The following KIF5A variants were observed in gnomAD, a reference collection of about 807,000 sequenced individuals.
KIF5A encodes the protein kinesin heavy chain isoform 5A.
Under a neutral mutation model 141.3 loss-of-function variants are expected in KIF5A, and 35 were observed. That is an observed-to-expected ratio of 0.25 (90% CI 0.19 to 0.33). The LOEUF (loss-of-function observed/expected upper bound fraction) is 0.33. Among genes scored for constraint, KIF5A ranks in the 10% least tolerant of loss-of-function variants. The pLI is 1.00. For synonymous variants in KIF5A, 448 were observed against 500.2 expected, an observed-to-expected ratio of 0.90 and a Z score of 1.39; for missense variants, 861 against 1,314.3, an observed-to-expected ratio of 0.66 and a Z score of 5.33.
rs186861089 is a variant in KIF5A at position 57,581,708 on chromosome 12, A to G, written c.2909+140A>G. On this transcript the variant is annotated intron_variant, in intron 25 of 28. Transcript: ENST00000455537. ...AACTTCATGCCTATGATTAGAAGGTAGGTGTCTGCCCTCCCAGCCTGTGGC... is the reference window on the plus strand; with the variant it reads ...AACTTCATGCCTATGATTAGAAGGTGGGTGTCTGCCCTCCCAGCCTGTGGC... 3,627 of 1,230,620 alleles carry G rather than the reference A, an allele frequency of 2.9e-3. 14 individuals are homozygous for G. The highest frequency in any genetic ancestry group is 4.3e-3 in the South Asian group (353 of 81,848). The allele number at this position is 1,230,620 out of a possible 1,614,324, so 76.2% of individuals were successfully genotyped here.
intron 6 of KIF5A, among the ~76,000 whole-genome samples, chr12:57,565,621 ATT>A (rs398019767): frequency 8.6e-5 from 11 of 128,362 alleles, no homozygotes; most frequent in African/African-American, 8.7e-5. Flanking sequence ...ATTTAATCTA[ATT>A]TTTTTTTTTT....
chr12:57,571,236 A>T (rs998317458), intron 12 of KIF5A, 85 bp from the exon 13 acceptor site: 1 of 827,386 alleles, frequency 1.2e-6, no homozygotes, highest in African/African-American at 1.7e-5. Context: ...TTTTATCAGG[A>T]TCCTGCCTCT....
chr12:57,570,598 C>T (rs1882221574), intron 12 of KIF5A, among the ~76,000 whole-genome samples: 2 of 152,074 alleles, frequency 1.3e-5, no homozygotes, highest in Admixed American at 1.3e-4. Context: ...GGGGTTTCAC[C>T]ATGTTGGCTA....
intron 26 of KIF5A, among the ~76,000 whole-genome samples, 190 bp downstream of exon 26, chr12:57,582,142 G>T (rs370773588): frequency 2.6e-4 from 40 of 152,166 alleles, no homozygotes; most frequent in African/African-American, 9.4e-4. Context: ...TACTTGGGAG[G>T]TTGAGATAGG....
chr12:57,580,263 C>A (rs1422556197), intron 23 of KIF5A, among the ~76,000 whole-genome samples: 1 of 152,290 alleles, frequency 6.6e-6, no homozygotes, highest in Non-Finnish European at 1.5e-5. Flanking sequence ...TCTTTTCGGG[C>A]TGCAGGGTGG....
At chr12:57,567,981 C>G (rs931518252) in intron 8 of KIF5A, among the ~76,000 whole-genome samples, 31 of 151,262 alleles carry the variant, frequency 2.0e-4, no homozygotes, top group Non-Finnish European at 4.3e-4. Flanking sequence ...CTCCCAGGTT[C>G]AAGTGATTTT....
intron 27 of KIF5A, 102 bp downstream of exon 27, chr12:57,582,731 A>G: frequency 1.1e-6 from 1 of 945,676 alleles, no homozygotes; most frequent in Non-Finnish European, 1.7e-6. Context: ...CCTTTGGGGA[A>G]GGGGGAGGGA....
At chr12:57,574,908 G>A (rs1347369930) in intron 15 of KIF5A, among the ~76,000 whole-genome samples, 176 bp from the exon 16 acceptor site, 3 of 152,088 alleles carry the variant, frequency 2.0e-5, no homozygotes, top group Non-Finnish European at 2.9e-5. Context: ...AAATGCAGGC[G>A]GAGGAATTTA....
Position 57,583,257 on chromosome 12 carries a change from C to A in KIF5A, c.*36+42C>A, listed in dbSNP as rs775250. ...TCCTCGGACCAGCCTCAGGTTGCTT[C>A]CCTTCTTGCTGACAGCCTCTTTGGT... On this transcript the variant is annotated intron_variant, in intron 28 of 28. Coordinates refer to ENST00000455537, the MANE Select transcript of KIF5A (RefSeq NM_004984.4). The A allele has an allele frequency of 0.27, 329,733 of 1,219,774 alleles. 45,649 individuals are homozygous for A. The highest frequency in any genetic ancestry group is 0.29 in the Non-Finnish European group (241,089 of 841,230). 75.6% of individuals were successfully genotyped at this position (1,219,774 alleles called of 1,614,324 possible).
rs1882441047 is a variant in KIF5A, at chr12:57,576,813, A to G, written c.2251A>G (p.Lys751Glu). The stretch of plus-strand genomic sequence containing the variant: ...AGAGAAGCTTCAGGCTGACTACGAG[A>G]AGCTGAAGAGCGAAGAACACGAGAA... ...ELEKLQADYE[K>E]LKSEEHEKST... Residue 751 changes from lysine to glutamate, a missense_variant, in exon 20 of 29, where the codon AAG becomes GAG. Coordinates refer to ENST00000455537, the MANE Select transcript of KIF5A (RefSeq NM_004984.4). 1 of 1,613,868 alleles carries G rather than the reference A, an allele frequency of 6.2e-7. No homozygotes were observed. The highest frequency in any genetic ancestry group is 1.7e-5 in the Admixed American group (1 of 59,982).
chr12:57,577,842 C>T, intron 21 of KIF5A, 69 bp downstream of exon 21: 2 of 1,382,698 alleles, frequency 1.4e-6, no homozygotes, highest in East Asian at 2.3e-5. Flanking sequence ...CTTCCTAACC[C>T]TATTCCTCCT....
Position 57,563,536 on chromosome 12 carries a change from T to C in KIF5A, c.217+10T>C. On this transcript the variant is annotated intron_variant, in intron 2 of 28. Transcript: ENST00000455537. The stretch of plus-strand genomic sequence containing the variant: ...ATGCAGATTGTCAAAGGTAATAGAT[T>C]TCTTTTTAGAATGTCTCTTCTCAGC... The C allele has an allele frequency of 1.9e-6, 3 of 1,612,214 alleles. No homozygotes were observed. Among genetic ancestry groups the C allele is most frequent in the Non-Finnish European group, 2.5e-6 (3 of 1,178,270 alleles).
intron 1 of KIF5A, among the ~76,000 whole-genome samples, chr12:57,557,225 C>T (rs1372708295): frequency 6.6e-6 from 1 of 151,192 alleles, no homozygotes; most frequent in Non-Finnish European, 1.5e-5. Flanking sequence ...GTCAATAAGT[C>T]TTATGTCACA....
At chr12:57,569,808 C>T in intron 11 of KIF5A, 125 bp downstream of exon 11, 2 of 1,471,360 alleles carry the variant, frequency 1.4e-6, no homozygotes, top group Non-Finnish European at 1.8e-6. Context: ...TGTTTCTGGA[C>T]AGGTGCAGTA....
chr12:57,564,366 C>T, intron 4 of KIF5A, 94 bp from the exon 5 acceptor site: 2 of 1,126,402 alleles, frequency 1.8e-6, no homozygotes, highest in Non-Finnish European at 2.7e-6. Flanking sequence ...TTTCCTCCCA[C>T]CACCGTTTGA....
rs1434891074 is a variant in KIF5A, at chr12:57,564,191, G to C, written c.375G>C (p.Glu125Asp). Reference sequence around the variant, plus strand: ...TCAACCACATCTACTCCATGGATGAGAACCTTGAGTTCCACATCAAGGTGA... The same window carrying C: ...TCAACCACATCTACTCCATGGATGACAACCTTGAGTTCCACATCAAGGTGA... Reference protein sequence around the residue: ...DIFNHIYSMDENLEFHIKVSY... With the variant: ...DIFNHIYSMDDNLEFHIKVSY... The change falls in exon 4 of 29, where the codon GAG (glutamate) becomes GAC (aspartate). Residue 125 changes from glutamate to aspartate, a missense_variant. Glu to Asp is a conservative substitution (Grantham distance 45). Around this residue, in one of 5 missense-constraint regions of KIF5A, gnomAD observed 146 missense variants for 353.4 expected, o/e 0.41. Transcript: ENST00000455537. 5 of 1,612,090 alleles carry C rather than the reference G, an allele frequency of 3.1e-6. No homozygotes were observed. The highest frequency in any genetic ancestry group is 4.2e-6 in the Non-Finnish European group (5 of 1,178,194).
At chr12:57,582,666 G>A (rs1194501734) in intron 27 of KIF5A, 37 bp downstream of exon 27, 1 of 1,544,058 alleles carries the variant, frequency 6.5e-7, no homozygotes, top group Non-Finnish European at 9.0e-7. Context: ...TTCTCTGGGT[G>A]GGACCAGAAG....
At chr12:57,558,398 A>G (rs528874240) in intron 1 of KIF5A, among the ~76,000 whole-genome samples, 1 of 147,666 alleles carries the variant, frequency 6.8e-6, no homozygotes, top group South Asian at 2.2e-4. Context: ...AAATTAGGCC[A>G]GGTGCGGTGG....
At chr12:57,563,110 G>A (rs1454281692) in intron 1 of KIF5A, among the ~76,000 whole-genome samples, 1 of 151,452 alleles carries the variant, frequency 6.6e-6, no homozygotes, top group East Asian at 1.9e-4. Context: ...GGGTTCAAGC[G>A]ATTCTCCTGT....
Sources: allele counts gnomAD v4.1 joint callset (sites outside exome capture counted in the v4.1 genomes callset), GRCh38; gene constraint gnomAD v4.1.1; regional missense constraint gnomAD v4.1.1; transcripts MANE v1.5; gene names NCBI Gene and HGNC (gene_info 2026-07-23, HGNC 2026-07-21).